ADGRB3: variants seen among roughly 807,000 people sequenced by gnomAD.
ADGRB3 encodes the protein brain-specific angiogenesis inhibitor 3.
A neutral mutation model predicts 193.4 loss-of-function variants in ADGRB3; 37 were observed. The observed-to-expected ratio is 0.19, with a 90% confidence interval of 0.15 to 0.25. The LOEUF (loss-of-function observed/expected upper bound fraction) is 0.25. ADGRB3 is among the 10% of genes least tolerant of loss of function. The pLI is 1.00. For synonymous variants in ADGRB3, 690 were observed against 644.2 expected, an observed-to-expected ratio of 1.07 and a Z score of -1.08; for missense variants, 1,637 against 1,852.9, an observed-to-expected ratio of 0.88 and a Z score of 2.14.
intron 3 of ADGRB3, among the ~76,000 whole-genome samples, chr6:68,695,681 G>A (rs1408149007): frequency 3.9e-5 from 6 of 151,966 alleles, no homozygotes; most frequent in South Asian, 2.1e-4. Flanking sequence ...ACTGTTAAGA[G>A]TCCACAGCGA....
intron 3 of ADGRB3, among the ~76,000 whole-genome samples, chr6:68,717,324 T>C (rs1455292807): frequency 6.6e-6 from 1 of 151,696 alleles, no homozygotes; most frequent in Admixed American, 6.6e-5. Flanking sequence ...TTATAGATGC[T>C]AATGTCCCCA....
intron 30 of ADGRB3, among the ~76,000 whole-genome samples, chr6:69,373,236 A>G (rs1769742786): frequency 6.6e-6 from 1 of 152,048 alleles, no homozygotes; most frequent in Admixed American, 6.6e-5. Context: ...TGTGATGCAT[A>G]CATAGAACTC....
intron 17 of ADGRB3, among the ~76,000 whole-genome samples, chr6:69,121,665 C>T (rs897797248): frequency 6.7e-6 from 1 of 149,502 alleles, no homozygotes; most frequent in Admixed American, 6.6e-5. Context: ...CCAGATGGGG[C>T]AGCCAGGCCG....
intron 3 of ADGRB3, among the ~76,000 whole-genome samples, chr6:68,817,347 ATATATATATATAT>A (rs1420329998): frequency 1.2e-4 from 13 of 109,050 alleles, no homozygotes; most frequent in African/African-American, 5.6e-4. Context: ...ATATATATAT[ATATATATATATAT>A]AATTTCTGAC....
At chr6:69,121,613 A>G (rs1050582703) in intron 17 of ADGRB3, among the ~76,000 whole-genome samples, 20 of 151,562 alleles carry the variant, frequency 1.3e-4, no homozygotes, top group African/African-American at 4.9e-4. Context: ...GGCGCTCCTC[A>G]CTTCCCAGAT....
At chr6:68,751,309 C>G (rs533854780) in intron 3 of ADGRB3, among the ~76,000 whole-genome samples, 22 of 152,272 alleles carry the variant, frequency 1.4e-4, no homozygotes, top group Middle Eastern at 3.4e-3. Context: ...TAAGAATATT[C>G]TTAACCAGGT....
chr6:68,719,746 G>A (rs1313213142), intron 3 of ADGRB3, among the ~76,000 whole-genome samples: 1 of 150,148 alleles, frequency 6.7e-6, no homozygotes, highest in African/African-American at 2.4e-5. Flanking sequence ...TTTTTTTAGT[G>A]GTCTTTCAAC....
chr6:69,031,000 C>CTTTTCTTTT (rs1480485485), intron 13 of ADGRB3, among the ~76,000 whole-genome samples: 5 of 98,656 alleles, frequency 5.1e-5, no homozygotes, highest in African/African-American at 2.4e-4. Flanking sequence ...TCTTTCTTTT[C>CTTTTCTTTT]CTTTCTTTTC....
intron 3 of ADGRB3, among the ~76,000 whole-genome samples, chr6:68,786,663 T>C (rs1304840086): frequency 1.3e-5 from 2 of 151,810 alleles, no homozygotes; most frequent in East Asian, 3.9e-4. Flanking sequence ...ATATGAACTT[T>C]AAAGTAGTTT....
chr6:69,376,533 T>TAATC (rs1769824643), intron 30 of ADGRB3, among the ~76,000 whole-genome samples: 1 of 151,898 alleles, frequency 6.6e-6, no homozygotes, highest in Admixed American at 6.6e-5. Context: ...AGACACAGGG[T>TAATC]AATCACAAAT....
intron 3 of ADGRB3, among the ~76,000 whole-genome samples, chr6:68,889,508 T>G (rs1766011309): frequency 1.3e-4 from 1 of 7,528 alleles, no homozygotes. Flanking sequence ...TTCTCTTTTA[T>G]TTTTTTTTTT....
intron 17 of ADGRB3, among the ~76,000 whole-genome samples, chr6:69,183,819 C>T (rs1225294736): frequency 6.6e-6 from 1 of 152,010 alleles, no homozygotes; most frequent in African/African-American, 2.4e-5. Flanking sequence ...TTGACATGAA[C>T]AAACTCATTT....
At chr6:69,051,068 G>C (rs935376776) in intron 15 of ADGRB3, among the ~76,000 whole-genome samples, 2 of 152,100 alleles carry the variant, frequency 1.3e-5, no homozygotes, top group Admixed American at 6.5e-5. Flanking sequence ...TTTCCCAAGG[G>C]ATCCCAGCCT....
intron 3 of ADGRB3, among the ~76,000 whole-genome samples, chr6:68,677,521 C>CTTTTTTTTTTTTTTTTTTTTGTTTTTT (rs1002070733): frequency 8.3e-6 from 1 of 120,336 alleles, no homozygotes; most frequent in Admixed American, 9.2e-5. Flanking sequence ...TTCTTTTTTT[C>CTTTTTTTTTTTTTTTTTTTTGTTTTTT]TTTTTTTTTT....
intron 26 of ADGRB3, among the ~76,000 whole-genome samples, chr6:69,352,566 A>G (rs1310328394): frequency 2.6e-5 from 4 of 152,212 alleles, no homozygotes; most frequent in Non-Finnish European, 4.4e-5. Context: ...TTATGGCCAC[A>G]TCAGTAGGAT....
At chr6:68,741,720 A>T (rs985790657) in intron 3 of ADGRB3, among the ~76,000 whole-genome samples, 1 of 152,156 alleles carries the variant, frequency 6.6e-6, no homozygotes, top group Non-Finnish European at 1.5e-5. Flanking sequence ...TACCTTTTCT[A>T]TCATAAGTAT....
At chr6:68,700,954 A>G (rs1041738171) in intron 3 of ADGRB3, among the ~76,000 whole-genome samples, 3 of 152,190 alleles carry the variant, frequency 2.0e-5, no homozygotes, top group Non-Finnish European at 2.9e-5. Flanking sequence ...CATGTACCCT[A>G]GAACTTGAAG....
At chr6:69,098,371 TA>T (rs1268763025) in intron 17 of ADGRB3, among the ~76,000 whole-genome samples, 3 of 152,336 alleles carry the variant, frequency 2.0e-5, no homozygotes, top group African/African-American at 7.2e-5. Flanking sequence ...TATTATGTAT[TA>T]ACTTGAGATG....
chr6:69,329,478 G>A (rs966311090), intron 22 of ADGRB3, among the ~76,000 whole-genome samples: 7 of 152,114 alleles, frequency 4.6e-5, no homozygotes, highest in Non-Finnish European at 1.0e-4. Flanking sequence ...ACATAGAGTA[G>A]CATTCACCCT....
Sources: allele counts gnomAD v4.1 joint callset (sites outside exome capture counted in the v4.1 genomes callset), GRCh38; gene constraint gnomAD v4.1.1; transcripts MANE v1.5; gene names NCBI Gene and HGNC (gene_info 2026-07-23, HGNC 2026-07-21).